The following ABCG8 variants were observed in gnomAD, a reference collection of about 807,000 sequenced individuals.
ABCG8 encodes the protein ATP-binding cassette sub-family G member 8.
ABCG8 carries 81 observed loss-of-function variants against 71.3 expected under a neutral mutation model. The ratio of observed to expected loss-of-function variants is 1.14; its 90% CI spans 0.95 to 1.37. The LOEUF (loss-of-function observed/expected upper bound fraction) is 1.37, where lower values mean the gene tolerates loss of function less well. Among genes scored for constraint, ABCG8 ranks in the 40% most tolerant of loss-of-function variants. The probability of loss-of-function intolerance (pLI) is 0.00; values close to 1 mark genes in which losing one functional copy is unlikely to be tolerated. For missense variants in ABCG8, 1,119 were observed against 866.2 expected, an observed-to-expected ratio of 1.29 and a Z score of -3.66; for synonymous variants, 451 against 354.7, an observed-to-expected ratio of 1.27 and a Z score of -3.05.
At chr2:43,867,631 C>T (rs1224102428) in intron 6 of ABCG8, among the ~76,000 whole-genome samples, 1 of 152,036 alleles carries the variant, frequency 6.6e-6, no homozygotes, top group African/African-American at 2.4e-5. Flanking sequence ...GCATAGAACT[C>T]TCACTGTCTG....
intron 1 of ABCG8, among the ~76,000 whole-genome samples, chr2:43,843,152 T>C (rs1169403009): frequency 6.6e-6 from 1 of 152,250 alleles, no homozygotes; most frequent in East Asian, 1.9e-4. Context: ...TCTGTCTCGC[T>C]CCATCGTAAT....
intron 6 of ABCG8, among the ~76,000 whole-genome samples, chr2:43,857,177 A>G (rs139025343): frequency 7.9e-4 from 119 of 151,456 alleles, no homozygotes; most frequent in African/African-American, 2.8e-3. Flanking sequence ...AACTCTCACT[A>G]TCTATCTGGA....
At chr2:43,841,387 T>A (rs535775092) in intron 1 of ABCG8, among the ~76,000 whole-genome samples, 1 of 152,340 alleles carries the variant, frequency 6.6e-6, no homozygotes, top group East Asian at 1.9e-4. Flanking sequence ...TCAAGTGATG[T>A]TCTGACAGTC....
At chr2:43,862,509 C>G (rs558276741) in intron 6 of ABCG8, among the ~76,000 whole-genome samples, 3 of 150,190 alleles carry the variant, frequency 2.0e-5, no homozygotes, top group Non-Finnish European at 3.0e-5. Context: ...GAATTCTCAC[C>G]ATCTAGATAG....
intron 6 of ABCG8, 94 bp downstream of exon 6, chr2:43,852,962 A>AGGCCGGGCGCTCATGCCTGT: frequency 6.6e-7 from 1 of 1,510,638 alleles, no homozygotes; most frequent in Non-Finnish European, 9.1e-7. Context: ...TTCAGGGGAG[A>AGGCCGGGCGCTCATGCCTGT]AACTCCCAGA....
chr2:43,863,816 G>A (rs1046487962), intron 6 of ABCG8, among the ~76,000 whole-genome samples: 20 of 151,158 alleles, frequency 1.3e-4, no homozygotes, highest in Admixed American at 1.1e-3. Flanking sequence ...CTACCTGTCT[G>A]GATAGAATTC....
chr2:43,874,608 T>C (rs766072501), intron 10 of ABCG8, 125 bp downstream of exon 10: 1 of 765,700 alleles, frequency 1.3e-6, no homozygotes, highest in Non-Finnish European at 2.3e-6. Context: ...AAGTCACCGA[T>C]GCCACCAGAT....
intron 6 of ABCG8, among the ~76,000 whole-genome samples, chr2:43,860,823 T>G (rs1005518570): frequency 6.6e-6 from 1 of 151,058 alleles, no homozygotes; most frequent in African/African-American, 2.4e-5. Context: ...ACTATCTGTC[T>G]GTATAGAATT....
In ABCG8 at chr2:43,852,797, A is replaced by C. The variant is rs1668972037; in HGVS notation, c.893A>C (p.Gln298Pro). ...SGTPIYLGAA[Q>P]HMVQYFTAIG... ...ACCCCCATCTACTTAGGGGCGGCCC[A>C]GCACATGGTCCAGTATTTCACAGCC... Residue 298 changes from glutamine to proline, a missense_variant, in exon 6 of 13, where the codon CAG becomes CCG. Coordinates refer to ENST00000272286, the MANE Select transcript of ABCG8 (RefSeq NM_022437.3). 1 of 1,614,188 alleles carries C rather than the reference A, an allele frequency of 6.2e-7. No homozygotes were observed. The highest frequency in any genetic ancestry group is 8.5e-7 in the Non-Finnish European group (1 of 1,180,032).
intron 8 of ABCG8, 34 bp from the exon 9 acceptor site, chr2:43,873,753 G>A (rs770999783): frequency 1.2e-6 from 2 of 1,610,100 alleles, no homozygotes; most frequent in Non-Finnish European, 1.7e-6. Flanking sequence ...GGTGTATGCT[G>A]TTGCCTCAGC....
rs35927760 is a variant in ABCG8 at position 43,867,347 on chromosome 2, TA to T, written c.965-4617del. ...TGTACCCTAAAACTTAAAGTATAAT[TA>T]AAAAAAAAAAAGAATTCTCACCCTC... On this transcript the variant is annotated intron_variant, in intron 6 of 12. Transcript: ENST00000272286. Among the ~76,000 whole-genome samples, 288 of 147,848 alleles carry T rather than the reference TA, an allele frequency of 1.9e-3. 1 individual carries two copies. Among genetic ancestry groups the T allele is most frequent in the African/African-American group, 6.1e-3 (248 of 40,424 alleles).
intron 6 of ABCG8, among the ~76,000 whole-genome samples, chr2:43,855,922 C>G (rs1423204311): frequency 1.3e-5 from 2 of 152,086 alleles, no homozygotes; most frequent in Non-Finnish European, 2.9e-5. Context: ...GTATTGATCT[C>G]TCACTCTCGG....
chr2:43,844,465 G>C (rs1331116966), intron 1 of ABCG8, 42 bp from the exon 2 acceptor site: 1 of 1,513,778 alleles, frequency 6.6e-7, no homozygotes, highest in Middle Eastern at 1.7e-4. Context: ...TATGTTCTCA[G>C]CAGCTTCTAA....
chr2:43,866,554 T>C (rs1203808792), intron 6 of ABCG8, among the ~76,000 whole-genome samples: 1 of 152,052 alleles, frequency 6.6e-6, no homozygotes, highest in East Asian at 1.9e-4. Context: ...TAGACACTTC[T>C]CAAAAGAAGA....
At chr2:43,852,889 G>A in intron 6 of ABCG8, 21 bp downstream of exon 6, 1 of 1,612,762 alleles carries the variant, frequency 6.2e-7, no homozygotes, top group South Asian at 1.1e-5. Flanking sequence ...AAGGCCAGCA[G>A]CCAGGGCCCT....
intron 6 of ABCG8, among the ~76,000 whole-genome samples, chr2:43,857,960 C>A (rs1016841903): frequency 6.6e-6 from 1 of 151,148 alleles, no homozygotes; most frequent in Non-Finnish European, 1.5e-5. Context: ...AGATTGCTCA[C>A]CATCTGGATA....
chr2:43,878,001 T>C lies in ABCG8; in HGVS notation c.*88T>C. ...CTCAGGAGCCCCTTCCTGGGGACAG[T>C]GAGGACAATGACCCTACAGATGCTC... On this transcript the variant is annotated 3_prime_UTR_variant, in exon 13 of 13. Transcript: ENST00000272286. The C allele has an allele frequency of 6.3e-7, 1 of 1,585,764 alleles. No homozygotes were observed. The highest frequency in any genetic ancestry group is 1.1e-5 in the South Asian group (1 of 88,676).
chr2:43,875,751 G>T (rs1283707907), intron 11 of ABCG8, among the ~76,000 whole-genome samples: 1 of 152,186 alleles, frequency 6.6e-6, no homozygotes, highest in Non-Finnish European at 1.5e-5. Flanking sequence ...CATTGTTTGA[G>T]CCTGGGCCAC....
intron 6 of ABCG8, among the ~76,000 whole-genome samples, chr2:43,865,112 C>T (rs1669479364): frequency 6.6e-6 from 1 of 151,552 alleles, no homozygotes; most frequent in South Asian, 2.1e-4. Flanking sequence ...AGAACGCTCA[C>T]TGTCTGGATA....
Sources: gnomAD v4.1 joint callset for allele counts (sites outside exome capture counted in the v4.1 genomes callset) on GRCh38, gnomAD v4.1.1 for gene constraint, MANE v1.5 for transcripts, NCBI Gene and HGNC (gene_info 2026-07-23, HGNC 2026-07-21) for gene names.